BDP1: variants seen among roughly 807,000 people sequenced by gnomAD.
BDP1 encodes the protein transcription factor TFIIIB component B'' homolog.
A neutral mutation model predicts 266.6 loss-of-function variants in BDP1; 169 were observed. The observed-to-expected ratio is 0.63, with a 90% CI of 0.56 to 0.72. BDP1 has a LOEUF of 0.72. Among genes scored for constraint, BDP1 ranks in the 30% least tolerant of loss-of-function variants. The pLI, the probability that BDP1 is intolerant of heterozygous loss-of-function variation, is 0.00. For synonymous variants in BDP1, 1,090 were observed against 1,022.4 expected, an observed-to-expected ratio of 1.07 and a Z score of -1.26; for missense variants, 3,015 against 3,053.8, an observed-to-expected ratio of 0.99 and a Z score of 0.30.
chr5:71,539,863 A>G lies in BDP1; in HGVS notation c.6022+214A>G, dbSNP rs796873786. Among the ~76,000 whole-genome samples the G allele has an allele frequency of 4.5e-4, 69 of 152,140 alleles. 1 individual carries two copies. Among genetic ancestry groups the G allele is most frequent in the African/African-American group, 1.6e-3 (68 of 41,478 alleles). On this transcript the variant is annotated intron_variant, in intron 28 of 38. Coordinates refer to ENST00000358731, the MANE Select transcript of BDP1 (RefSeq NM_018429.3). ...TAATTCAAGATCATGCTCTTGGTTT[A>G]TTAAGAATAATTTGTATTCATGGAA...
At chr5:71,486,741 C>G (rs953640766) in intron 9 of BDP1, 114 bp downstream of exon 9, 20 of 813,502 alleles carry the variant, frequency 2.5e-5, no homozygotes, top group Admixed American at 1.4e-4. Context: ...ATCATCAAAG[C>G]ATCCAGTTGG....
chr5:71,463,597 G>T (rs1215258524), intron 3 of BDP1, among the ~76,000 whole-genome samples: 1 of 152,118 alleles, frequency 6.6e-6, no homozygotes, highest in Admixed American at 6.5e-5. Flanking sequence ...TAAGGTGGGA[G>T]GATTGCATGA....
At chr5:71,537,513 T>G (rs276593) in intron 26 of BDP1, 81,747 of 169,846 alleles carry the variant, frequency 0.48, 20,007 homozygotes, top group South Asian at 0.55. Context: ...GGGAGACAGG[T>G]ACTATTGGTA....
Position 71,456,085 on chromosome 5 carries a change from A to C in BDP1, c.208A>C (p.Ser70Arg). Residue 70 changes from serine (S) to arginine (R), a missense_variant, in exon 1 of 39, where the codon AGC becomes CGC. Around this residue, in one of 3 missense-constraint regions of BDP1, gnomAD observed 2,383 missense variants for 2,404.9 expected, o/e 0.99. Transcript: ENST00000358731. ...GGAGCCCCAAGAAAAGGCTCCTAGG[A>C]GCAGGTAAGAGGTTGCAGAGGGAAG... ...GAEPQEKAPR[S>R]STEKTGGDND... 6.2e-7 allele frequency: 1 copy of C among 1,612,676 alleles called. No homozygotes were observed. The highest frequency in any genetic ancestry group is 8.5e-7 in the Non-Finnish European group (1 of 1,179,828).
At chr5:71,560,995 C>T (rs1224607787) in intron 37 of BDP1, among the ~76,000 whole-genome samples, 1 of 152,206 alleles carries the variant, frequency 6.6e-6, no homozygotes, top group African/African-American at 2.4e-5. Flanking sequence ...CCTATAATCC[C>T]AGCTACTCAG....
Position 71,466,162 on chromosome 5 carries a change from A to G in BDP1, c.726A>G (p.Pro242=). The part of the protein sequence containing the change: ...NEMEEETDDG[P]LLVPRVKVAE... ...TGGAAGAAGAGACAGATGATGGGCC[A>G]TTACTGGTTCCTCGAGTAAAAGTGG... Residue 242 remains proline (P), a synonymous_variant, in exon 5 of 39, where the codon CCA becomes CCG. Transcript: ENST00000358731. 1.2e-6 allele frequency: 2 copies of G among 1,614,038 alleles called. No individual in the cohort carries two copies. Among genetic ancestry groups the G allele is most frequent in the South Asian group, 1.1e-5 (1 of 91,074 alleles).
chr5:71,517,982 A>G (rs1423502409), intron 22 of BDP1, among the ~76,000 whole-genome samples: 1 of 152,214 alleles, frequency 6.6e-6, no homozygotes, highest in Non-Finnish European at 1.5e-5. Context: ...TATAAAGTAT[A>G]CTTAACAGTA....
chr5:71,493,359 A>G (rs949717725), intron 11 of BDP1, among the ~76,000 whole-genome samples: 3 of 152,178 alleles, frequency 2.0e-5, no homozygotes, highest in Non-Finnish European at 4.4e-5. Context: ...TCTTGGGCTC[A>G]AATGATTCTA....
intron 11 of BDP1, among the ~76,000 whole-genome samples, chr5:71,493,945 T>C (rs774500525): frequency 3.3e-5 from 5 of 152,244 alleles, no homozygotes; most frequent in Non-Finnish European, 7.3e-5. Flanking sequence ...GATTGAAGAC[T>C]ACATGTATAA....
chr5:71,487,494 C>T (rs1439546185), intron 9 of BDP1, among the ~76,000 whole-genome samples: 1 of 152,164 alleles, frequency 6.6e-6, no homozygotes, highest in African/African-American at 2.4e-5. Context: ...ATGCCTGCCT[C>T]GGCCTCCCAA....
intron 7 of BDP1, among the ~76,000 whole-genome samples, chr5:71,483,087 T>A (rs1224667468): frequency 6.6e-6 from 1 of 152,230 alleles, no homozygotes; most frequent in Admixed American, 6.5e-5. Flanking sequence ...TTGTTTTATG[T>A]GATATTCTCT....
chr5:71,547,775 C>CT (rs1419153234), intron 32 of BDP1, among the ~76,000 whole-genome samples: 1 of 152,040 alleles, frequency 6.6e-6, no homozygotes, highest in Admixed American at 6.5e-5. Context: ...TGGTGAAACT[C>CT]TGTCTCTACT....
At chr5:71,523,033 T>G in intron 24 of BDP1, 84 bp downstream of exon 24, 1 of 1,224,766 alleles carries the variant, frequency 8.2e-7, no homozygotes, top group Non-Finnish European at 1.1e-6. Flanking sequence ...AGAACAAAAT[T>G]TTTGGGTGTT....
Position 71,549,456 on chromosome 5 carries a change from A to G in BDP1, c.6845A>G (p.Asp2282Gly). 1 of 1,614,028 alleles carries G rather than the reference A, an allele frequency of 6.2e-7. No homozygotes were observed. ...LVANVPQDGEDEQAFILTLVE... is the reference protein window; with the variant it reads ...LVANVPQDGEGEQAFILTLVE... Reference sequence around the variant, plus strand: ...GCTAATGTACCTCAAGATGGAGAAGATGAACAAGCCTTTATTTTAACTCTG... The same window carrying G: ...GCTAATGTACCTCAAGATGGAGAAGGTGAACAAGCCTTTATTTTAACTCTG... The change falls in exon 34 of 39, where the codon GAT becomes GGT. Residue 2282 changes from aspartate (D) to glycine (G), a missense_variant. Around this residue, in one of 3 missense-constraint regions of BDP1, gnomAD observed 629 missense variants for 632.5 expected, o/e 0.99. Coordinates refer to ENST00000358731, the MANE Select transcript of BDP1 (RefSeq NM_018429.3).
intron 26 of BDP1, among the ~76,000 whole-genome samples, chr5:71,534,216 G>A (rs1019539215): frequency 6.6e-6 from 1 of 152,046 alleles, no homozygotes; most frequent in Admixed American, 6.6e-5. Flanking sequence ...GATGATTTTT[G>A]CTTTTACGTT....
chr5:71,532,451 T>C lies in BDP1; in HGVS notation c.5892+24T>C. ...TTGTAAGCATCCATTTTAATATGTT[T>C]TGGCCTTTTATTCTTTGTTTACTTT... is the stretch of plus-strand genomic sequence containing the variant. On this transcript the variant is annotated intron_variant, in intron 26 of 38. Transcript: ENST00000358731. 3 of 1,607,124 alleles carry C rather than the reference T, an allele frequency of 1.9e-6. No homozygotes were observed. The South Asian group carries it at 3.3e-5, about 18-fold the overall frequency.
intron 33 of BDP1, 102 bp from the exon 34 acceptor site, chr5:71,549,318 A>G (rs1742577667): frequency 2.1e-6 from 2 of 959,808 alleles, no homozygotes; most frequent in African/African-American, 1.7e-5. Context: ...AGTCTTGATG[A>G]TAAGTTGTCC....
At chr5:71,570,673 C>T (rs768330803), downstream of BDP1, among the ~76,000 whole-genome samples, 5 of 152,244 alleles carry the variant, frequency 3.3e-5, no homozygotes, top group African/African-American at 4.8e-5. Flanking sequence ...TAAAACAGTT[C>T]GGCATTGCTG....
intron 5 of BDP1, 86 bp downstream of exon 5, chr5:71,466,307 G>A: frequency 1.4e-6 from 2 of 1,457,128 alleles, no homozygotes; most frequent in South Asian, 2.5e-5. Flanking sequence ...TTTCTGTATT[G>A]GCCTTTGTCA....
Sources: allele counts gnomAD v4.1 joint callset (sites outside exome capture counted in the v4.1 genomes callset), GRCh38; gene constraint gnomAD v4.1.1; regional missense constraint gnomAD v4.1.1; transcripts MANE v1.5; gene names NCBI Gene and HGNC (gene_info 2026-07-23, HGNC 2026-07-21).